The following SLC8A1 variants were observed in gnomAD, a reference collection of about 807,000 sequenced individuals.
SLC8A1 encodes the protein solute carrier family 8 member A1, also known as sodium/calcium exchanger 1.
Under a neutral mutation model 68.3 loss-of-function variants are expected in SLC8A1, and 18 were observed. The observed-to-expected ratio is 0.26, with a 90% confidence interval of 0.18 to 0.39. SLC8A1 has a LOEUF of 0.39. SLC8A1 is among the 10% of genes least tolerant of loss of function. The pLI, the probability that SLC8A1 is intolerant of heterozygous loss-of-function variation, is 1.00. For synonymous variants in SLC8A1, 475 were observed against 415.5 expected, an observed-to-expected ratio of 1.14 and a Z score of -1.74; for missense variants, 985 against 1,156.7, an observed-to-expected ratio of 0.85 and a Z score of 2.15.
At chr2:40,389,563 A>G (rs1444106669) in intron 2 of SLC8A1, among the ~76,000 whole-genome samples, 1 of 151,944 alleles carries the variant, frequency 6.6e-6, no homozygotes, top group Non-Finnish European at 1.5e-5. Context: ...CAAGTCTACC[A>G]CTTAGACTAC....
At chr2:40,141,612 A>T (rs1023298557) in intron 6 of SLC8A1, among the ~76,000 whole-genome samples, 3 of 152,176 alleles carry the variant, frequency 2.0e-5, no homozygotes, top group Non-Finnish European at 2.9e-5. Flanking sequence ...TCTGCTGTTC[A>T]TGCAGTATTT....
At chr2:40,283,954 G>C (rs1490157493) in intron 2 of SLC8A1, among the ~76,000 whole-genome samples, 1 of 152,112 alleles carries the variant, frequency 6.6e-6, no homozygotes, top group African/African-American at 2.4e-5. Flanking sequence ...TATTTTGGCA[G>C]AGTCCAGAAA....
At chr2:40,326,238 T>C (rs1478031406) in intron 2 of SLC8A1, among the ~76,000 whole-genome samples, 2 of 152,122 alleles carry the variant, frequency 1.3e-5, no homozygotes, top group African/African-American at 2.4e-5. Context: ...ATACTCTCTG[T>C]TTTCTGTTTA....
chr2:40,424,884 G>A lies in SLC8A1; in HGVS notation c.1808+3589C>T, dbSNP rs75821945. 3.2e-4 allele frequency among the ~76,000 whole-genome samples: 49 copies of A among 151,900 alleles called. No individual in the cohort carries two copies. In the East Asian group the frequency reaches 8.5e-3, roughly 26 times the overall value. On this transcript the variant is annotated intron_variant, in intron 2 of 7. Transcript: ENST00000406785. ...TTAGCCTTATCATTTTTCCAAAACA[G>A]TTAAGCTAATGTTAGACCTTGAAAT...
In SLC8A1 at chr2:40,391,527, A is replaced by G. The variant is rs532128618; in HGVS notation, c.1808+36946T>C. Among the ~76,000 whole-genome samples, 9 of 152,192 alleles carry G rather than the reference A, an allele frequency of 5.9e-5. No homozygotes were observed. In the East Asian group the frequency reaches 1.7e-3, roughly 29 times the overall value. ...TGAAGTAATCATAGAGCCATAAGGA[A>G]TTTGACAGGAACCATAAATACTTCT... is the stretch of plus-strand genomic sequence containing the variant. On this transcript the variant is annotated intron_variant, in intron 2 of 7. Coordinates refer to ENST00000406785, the Ensembl canonical transcript of SLC8A1.
At position 40,209,827 on chromosome 2, in the gene SLC8A1, G is replaced by A. The variant is rs2056242402; in HGVS notation, c.1809-31972C>T. ...GCTGACAGTAAGACACAGGAGGGGA[G>A]GCACTGGACATCTGAATGGGGAGAA... is the stretch of plus-strand genomic sequence containing the variant. On this transcript the variant is annotated intron_variant, in intron 2 of 7. Transcript: ENST00000406785. 2.6e-5 allele frequency: 4 copies of A among 152,480 alleles called. No individual in the cohort carries two copies. In the South Asian group the frequency reaches 6.2e-4, roughly 24 times the overall value. The allele number at this position is 152,480 out of a possible 1,614,324, so 9.4% of individuals were successfully genotyped here. A position where few individuals can be genotyped will look rare whatever the true frequency, so the allele number is the denominator to read the frequency against.
intron 2 of SLC8A1, among the ~76,000 whole-genome samples, chr2:40,391,490 C>A (rs2149600952): frequency 6.6e-6 from 1 of 152,122 alleles, no homozygotes; most frequent in South Asian, 2.1e-4. Flanking sequence ...ATTTCTCTCC[C>A]TCCATTCAAT....
At chr2:40,450,810 T>C (rs1414856185) in intron 1 of SLC8A1, among the ~76,000 whole-genome samples, 1 of 152,228 alleles carries the variant, frequency 6.6e-6, no homozygotes, top group African/African-American at 2.4e-5. Flanking sequence ...AGCATGACTT[T>C]CCAATGACTG....
At chr2:40,504,181 A>G (rs1251684837) in intron 1 of SLC8A1, among the ~76,000 whole-genome samples, 1 of 152,030 alleles carries the variant, frequency 6.6e-6, no homozygotes, top group East Asian at 1.9e-4. Context: ...TCAGTTTTAC[A>G]AAGTTGCCAA....
In SLC8A1 at chr2:40,426,938, T is replaced by C. The variant is rs138564426; in HGVS notation, c.1808+1535A>G. On this transcript the variant is annotated intron_variant, in intron 2 of 7. Coordinates refer to ENST00000406785, the Ensembl canonical transcript of SLC8A1. ...ACCTGGGCACACATGAACTTTCCAA[T>C]GCAAGACCACTGAAAAAATTCTTTC... 1.2e-3 allele frequency among the ~76,000 whole-genome samples: 188 copies of C among 152,092 alleles called. 1 individual carries two copies. The East Asian group carries it at 0.034, about 28-fold the overall frequency.
chr2:40,278,165 G>A (rs1032623309), intron 2 of SLC8A1, among the ~76,000 whole-genome samples: 4 of 151,822 alleles, frequency 2.6e-5, no homozygotes, highest in African/African-American at 7.3e-5. Flanking sequence ...TTATTTACCT[G>A]TATCTCTAAA....
chr2:40,166,015 T>C (rs2046488440), intron 4 of SLC8A1, among the ~76,000 whole-genome samples: 1 of 152,238 alleles, frequency 6.6e-6, no homozygotes, highest in Admixed American at 6.5e-5. Context: ...ACCTCAGCCC[T>C]GATGGCCTCA....
chr2:40,280,670 C>G (rs2067379046), intron 2 of SLC8A1, among the ~76,000 whole-genome samples: 1 of 152,122 alleles, frequency 6.6e-6, no homozygotes, highest in Non-Finnish European at 1.5e-5. Flanking sequence ...AGAGGTCACA[C>G]ATCAATAATT....
intron 6 of SLC8A1, among the ~76,000 whole-genome samples, chr2:40,143,489 A>G (rs1162870579): frequency 6.6e-6 from 1 of 152,226 alleles, no homozygotes; most frequent in Non-Finnish European, 1.5e-5. Context: ...AATCCCAAGT[A>G]AATTCCTCTT....
chr2:40,389,101 G>GTA (rs1559489264), intron 2 of SLC8A1, among the ~76,000 whole-genome samples: 1 of 151,944 alleles, frequency 6.6e-6, no homozygotes, highest in Non-Finnish European at 1.5e-5. Flanking sequence ...ATATTTGAGT[G>GTA]TGTGTGTGTA....
At chr2:40,494,638 A>AT (rs1289687298) in intron 1 of SLC8A1, among the ~76,000 whole-genome samples, 19 of 94,668 alleles carry the variant, frequency 2.0e-4, no homozygotes, top group South Asian at 4.1e-4. Flanking sequence ...AACTTAAAGT[A>AT]TAATATATAT....
intron 2 of SLC8A1, among the ~76,000 whole-genome samples, chr2:40,265,245 C>T (rs1158442736): frequency 6.6e-6 from 1 of 152,104 alleles, no homozygotes; most frequent in South Asian, 2.1e-4. Context: ...TACAGTTGTC[C>T]ATTACAGCAG....
chr2:40,155,484 A>C (rs1188217894), intron 6 of SLC8A1, among the ~76,000 whole-genome samples: 1 of 152,126 alleles, frequency 6.6e-6, no homozygotes, highest in African/African-American at 2.4e-5. Context: ...AGGCTACCAC[A>C]AGGATTAAGT....
At chr2:40,142,587 T>C (rs972980140) in intron 6 of SLC8A1, among the ~76,000 whole-genome samples, 16 of 152,312 alleles carry the variant, frequency 1.1e-4, no homozygotes, top group African/African-American at 3.8e-4. Flanking sequence ...TCTAAATCTC[T>C]TATTTTGAAG....
Sources: allele counts gnomAD v4.1 joint callset (sites outside exome capture counted in the v4.1 genomes callset), GRCh38; gene constraint gnomAD v4.1.1; transcripts MANE v1.5; gene names NCBI Gene and HGNC (gene_info 2026-07-23, HGNC 2026-07-21).